The following SAMD8 variants were observed in gnomAD, a reference collection of about 807,000 sequenced individuals.
SAMD8 encodes the protein sterile alpha motif domain containing 8.
In SAMD8, 20 loss-of-function variants were observed where a neutral mutation model predicts 42.0. That is an observed-to-expected ratio of 0.48 (90% CI 0.34 to 0.69). The LOEUF (loss-of-function observed/expected upper bound fraction) is 0.69, where lower values mean the gene tolerates loss of function less well. Ranked by LOEUF, SAMD8 falls within the 30% of genes least tolerant of loss-of-function variation. The probability of loss-of-function intolerance (pLI) is 0.01; values close to 1 mark genes in which losing one functional copy is unlikely to be tolerated. For synonymous variants in SAMD8, 162 were observed against 173.0 expected, an observed-to-expected ratio of 0.94 and a Z score of 0.50; for missense variants, 328 against 511.6, an observed-to-expected ratio of 0.64 and a Z score of 3.46.
chr10:75,153,455 A>T lies in SAMD8; in HGVS notation c.578+2349A>T, dbSNP rs60178694. On this transcript the variant is annotated intron_variant, in intron 2 of 5. Transcript: ENST00000542569. ...GTGAAACCCCGTCTCTACTAAAAAT[A>T]CAAAAACTAGCTGGATGTGGTGGCG... is the stretch of plus-strand genomic sequence containing the variant. Among the ~76,000 whole-genome samples, 760 of 151,626 alleles carry T rather than the reference A, an allele frequency of 5.0e-3. 4 individuals are homozygous for T. The highest frequency in any genetic ancestry group is 0.014 in the Middle Eastern group (4 of 294).
At chr10:75,156,210 T>G (rs1472908484) in intron 2 of SAMD8, among the ~76,000 whole-genome samples, 2 of 152,160 alleles carry the variant, frequency 1.3e-5, no homozygotes, top group Non-Finnish European at 2.9e-5. Context: ...ACCTTTTGTT[T>G]GTCTCAGTAA....
chr10:75,117,169 T>A (rs1848903361), intron 1 of SAMD8, among the ~76,000 whole-genome samples: 1 of 150,454 alleles, frequency 6.6e-6, no homozygotes. Flanking sequence ...ATGCATGTAA[T>A]CCCAGCACTT....
At chr10:75,172,300 A>T (rs1840886484) in intron 4 of SAMD8, among the ~76,000 whole-genome samples, 1 of 152,090 alleles carries the variant, frequency 6.6e-6, no homozygotes, top group African/African-American at 2.4e-5. Flanking sequence ...CCCAAATAGT[A>T]TTCTAGTTGA....
Position 75,176,945 on chromosome 10 carries a change from T to C in SAMD8, c.*253T>C, listed in dbSNP as rs551525987. 5 of 398,428 alleles carry C rather than the reference T, an allele frequency of 1.3e-5. No individual in the cohort carries two copies. Among genetic ancestry groups the C allele is most frequent in the Non-Finnish European group, 2.2e-5 (5 of 223,426 alleles). 24.7% of individuals were successfully genotyped at this position (398,428 alleles called of 1,614,324 possible). A position where few individuals can be genotyped will look rare whatever the true frequency, so the allele number is the denominator to read the frequency against. Reference sequence around the variant, plus strand: ...CTTTAGGAAGACTTAATGTTGTGATTGAAGTCAGGCTGTACCCTTACCTGT... The same window carrying C: ...CTTTAGGAAGACTTAATGTTGTGATCGAAGTCAGGCTGTACCCTTACCTGT... On this transcript the variant is annotated 3_prime_UTR_variant, in exon 6 of 6. Transcript: ENST00000542569. This position sits in a 1 kb window ranked among gnomAD's most constrained non-coding sequence, Gnocchi z 4.3.
chr10:75,152,378 C>T (rs957260818), intron 2 of SAMD8, among the ~76,000 whole-genome samples: 2 of 150,010 alleles, frequency 1.3e-5, no homozygotes, highest in Non-Finnish European at 3.0e-5. Flanking sequence ...AAAAATTAGC[C>T]GGGCATAGTG....
At chr10:75,142,475 C>T (rs1840038715) in intron 1 of SAMD8, among the ~76,000 whole-genome samples, 1 of 152,020 alleles carries the variant, frequency 6.6e-6, no homozygotes, top group Admixed American at 6.6e-5. Context: ...TCTTGTTCTG[C>T]CACCAGGCTG....
chr10:75,129,392 C>T (rs1244233683), intron 1 of SAMD8, among the ~76,000 whole-genome samples: 4 of 152,092 alleles, frequency 2.6e-5, no homozygotes, highest in Non-Finnish European at 5.9e-5. Flanking sequence ...AGGCATGCAC[C>T]ACCACACCCA....
intron 1 of SAMD8, among the ~76,000 whole-genome samples, chr10:75,138,090 T>C (rs1024258326): frequency 2.0e-5 from 3 of 152,252 alleles, no homozygotes; most frequent in East Asian, 1.9e-4. Context: ...CCATCTGTTT[T>C]CCATATCTCA....
intron 1 of SAMD8, among the ~76,000 whole-genome samples, chr10:75,135,179 G>A (rs1177289630): frequency 6.6e-6 from 1 of 152,108 alleles, no homozygotes; most frequent in African/African-American, 2.4e-5. Context: ...TGGGCCAGAC[G>A]CGATGGCTTA....
intron 2 of SAMD8, among the ~76,000 whole-genome samples, chr10:75,156,938 C>T (rs191460843): frequency 6.6e-6 from 1 of 152,128 alleles, no homozygotes; most frequent in Non-Finnish European, 1.5e-5. Context: ...TTACAATGTC[C>T]TTGGTGTAAT....
At chr10:75,156,313 G>A (rs1384899253) in intron 2 of SAMD8, among the ~76,000 whole-genome samples, 2 of 152,144 alleles carry the variant, frequency 1.3e-5, no homozygotes, top group African/African-American at 4.8e-5. Flanking sequence ...TGGGGTGAGA[G>A]GGGAAGCTCT....
chr10:75,100,691 G>A (rs1009473752), intron 1 of SAMD8, among the ~76,000 whole-genome samples: 4 of 152,092 alleles, frequency 2.6e-5, no homozygotes, highest in African/African-American at 2.4e-5. Flanking sequence ...TGCCTCCCCC[G>A]CTCAGCAGAG....
upstream of SAMD8, chr10:75,111,564 C>T (rs992670091): frequency 1.6e-6 from 2 of 1,248,652 alleles, no homozygotes; most frequent in Non-Finnish European, 2.0e-6. Flanking sequence ...TGCGCGCAGT[C>T]GCCACCGCCC....
At chr10:75,169,255 G>A (rs1840783604) in intron 4 of SAMD8, among the ~76,000 whole-genome samples, 2 of 151,068 alleles carry the variant, frequency 1.3e-5, no homozygotes, top group Middle Eastern at 3.5e-3. Flanking sequence ...GGGAGGCCAA[G>A]GTGGGTGGAT....
chr10:75,162,950 A>C (rs1355407175), intron 2 of SAMD8, among the ~76,000 whole-genome samples: 2 of 151,942 alleles, frequency 1.3e-5, no homozygotes, highest in Non-Finnish European at 2.9e-5. Flanking sequence ...TTTGAAACAG[A>C]GTCTCGCTCT....
At chr10:75,112,433 A>G (rs144885196) in intron 1 of SAMD8, among the ~76,000 whole-genome samples, 236 of 152,224 alleles carry the variant, frequency 1.6e-3, no homozygotes, top group African/African-American at 4.5e-3. Context: ...CACTAGGGCA[A>G]TGTACTTGGA....
At chr10:75,148,529 ATT>A (rs1334642950) in intron 1 of SAMD8, among the ~76,000 whole-genome samples, 1 of 151,528 alleles carries the variant, frequency 6.6e-6, no homozygotes, top group Non-Finnish European at 1.5e-5. Flanking sequence ...AATTTTTTGT[ATT>A]TTTAGTAGAG....
chr10:75,161,669 C>A (rs1485554213), intron 2 of SAMD8, among the ~76,000 whole-genome samples: 2 of 151,646 alleles, frequency 1.3e-5, no homozygotes, highest in Non-Finnish European at 2.9e-5. Flanking sequence ...TAATGAGAGG[C>A]CCAAAGAAAA....
intron 1 of SAMD8, among the ~76,000 whole-genome samples, chr10:75,126,831 A>T (rs992243652): frequency 4.6e-5 from 7 of 151,966 alleles, no homozygotes; most frequent in African/African-American, 1.7e-4. Flanking sequence ...AGTGTCTGGC[A>T]TCTCTATATA....
Sources: gnomAD v4.1 joint callset for allele counts (sites outside exome capture counted in the v4.1 genomes callset) on GRCh38, gnomAD v4.1.1 for gene constraint, Gnocchi (gnomAD v3.1) non-coding constraint, MANE v1.5 for transcripts, NCBI Gene and HGNC (gene_info 2026-07-23, HGNC 2026-07-21) for gene names.